The following OCA2 variants were observed in gnomAD, a reference collection of about 807,000 sequenced individuals.
OCA2 encodes P protein.
A neutral mutation model predicts 100.2 loss-of-function variants in OCA2; 77 were observed. That is an observed-to-expected ratio of 0.77 (90% CI 0.64 to 0.93). The LOEUF (loss-of-function observed/expected upper bound fraction) is 0.93, where lower values mean the gene tolerates loss of function less well. OCA2 is among the 40% of genes least tolerant of loss of function. The pLI, the probability that OCA2 is intolerant of heterozygous loss-of-function variation, is 0.00. For missense variants in OCA2, 1,062 were observed against 1,089.1 expected (o/e 0.98, Z 0.35); for synonymous variants, 432 against 439.2 (o/e 0.98, Z 0.21).
chr15:27,873,687 C>T (rs533370847), intron 19 of OCA2, among the ~76,000 whole-genome samples: 3 of 152,010 alleles, frequency 2.0e-5, no homozygotes, highest in Admixed American at 6.5e-5. Flanking sequence ...TCATGCTCTG[C>T]GTTATGTAAT....
At chr15:27,869,537 A>C (rs776534200) in intron 21 of OCA2, among the ~76,000 whole-genome samples, 15 of 152,228 alleles carry the variant, frequency 9.9e-5, no homozygotes, top group Non-Finnish European at 1.9e-4. Flanking sequence ...TATGGAACAA[A>C]ACTGTGAAAG....
At chr15:28,056,053 C>T (rs781441293) in intron 2 of OCA2, among the ~76,000 whole-genome samples, 12 of 152,104 alleles carry the variant, frequency 7.9e-5, no homozygotes, top group Middle Eastern at 3.4e-3. Context: ...CCCCTGGTCC[C>T]CTGCACTCCA....
downstream of OCA2, among the ~76,000 whole-genome samples, chr15:27,753,560 C>T (rs571076154): frequency 2.2e-4 from 34 of 152,028 alleles, no homozygotes; most frequent in East Asian, 9.7e-4. Context: ...AGTGAAACCC[C>T]GTGTCTACTA....
intron 8 of OCA2, 89 bp downstream of exon 8, chr15:28,016,015 G>T: frequency 3.0e-6 from 3 of 985,310 alleles, no homozygotes; most frequent in Non-Finnish European, 3.3e-6. Context: ...GTGCTGTGTG[G>T]GCCGAAATCA....
chr15:28,006,341 G>A (rs997288181), intron 9 of OCA2, among the ~76,000 whole-genome samples: 1 of 152,202 alleles, frequency 6.6e-6, no homozygotes, highest in African/African-American at 2.4e-5. Flanking sequence ...ACAGCCAAGG[G>A]CATGCGAAAG....
chr15:27,731,163 CT>C, the OCA2 span, among the ~76,000 whole-genome samples: 1 of 152,130 alleles, frequency 6.6e-6, no homozygotes, highest in South Asian at 2.1e-4. Flanking sequence ...GGCATATTCA[CT>C]TTCATTCAAT....
At chr15:27,909,744 G>GA (rs924811974) in intron 19 of OCA2, among the ~76,000 whole-genome samples, 4 of 151,958 alleles carry the variant, frequency 2.6e-5, no homozygotes, top group African/African-American at 4.8e-5. Context: ...CTATATGCAA[G>GA]AAAAAAACCC....
chr15:27,888,846 G>A (rs2037338324), intron 19 of OCA2, among the ~76,000 whole-genome samples: 1 of 152,036 alleles, frequency 6.6e-6, no homozygotes, highest in Non-Finnish European at 1.5e-5. Context: ...TGGTTTTTCC[G>A]GGTCTGTTAC....
At chr15:27,860,321 A>T (rs1465053113) in intron 21 of OCA2, among the ~76,000 whole-genome samples, 1 of 152,186 alleles carries the variant, frequency 6.6e-6, no homozygotes, top group Non-Finnish European at 1.5e-5. Context: ...TTTTAGAGTC[A>T]GGGGAGCACA....
intron 19 of OCA2, among the ~76,000 whole-genome samples, chr15:27,877,332 A>G (rs1200773755): frequency 6.6e-6 from 1 of 151,998 alleles, no homozygotes; most frequent in Non-Finnish European, 1.5e-5. Flanking sequence ...ACAAATGTCA[A>G]TTGAATCAAC....
At chr15:27,932,337 CA>C (rs1250334896) in intron 18 of OCA2, among the ~76,000 whole-genome samples, 1 of 152,170 alleles carries the variant, frequency 6.6e-6, no homozygotes, top group African/African-American at 2.4e-5. Context: ...AGGCATTGTT[CA>C]AAATCACTGC....
At chr15:28,074,003 G>C (rs936823093) in intron 2 of OCA2, among the ~76,000 whole-genome samples, 6 of 146,238 alleles carry the variant, frequency 4.1e-5, no homozygotes, top group Non-Finnish European at 9.1e-5. Context: ...ATGACAGACA[G>C]ACACACACAC....
intron 18 of OCA2, among the ~76,000 whole-genome samples, chr15:27,948,563 T>A (rs1423900692): frequency 6.6e-6 from 1 of 152,120 alleles, no homozygotes; most frequent in African/African-American, 2.4e-5. Context: ...CCTCCCAGGC[T>A]CAAGCAATCC....
intron 23 of OCA2, among the ~76,000 whole-genome samples, chr15:27,786,846 C>T (rs2032839881): frequency 6.6e-6 from 1 of 152,094 alleles, no homozygotes; most frequent in East Asian, 1.9e-4. Context: ...AATCTTGAAT[C>T]AAAGTGGCAA....
chr15:28,044,969 A>G (rs1372994004), intron 2 of OCA2, among the ~76,000 whole-genome samples: 3 of 152,138 alleles, frequency 2.0e-5, no homozygotes, highest in Admixed American at 2.0e-4. Flanking sequence ...ATATAGTTCA[A>G]TTTTTATTTC....
chr15:27,907,801 A>G (rs1326565169), intron 19 of OCA2, among the ~76,000 whole-genome samples: 1 of 152,180 alleles, frequency 6.6e-6, no homozygotes, highest in East Asian at 1.9e-4. Flanking sequence ...GCCAATATTG[A>G]CCCCATCTGA....
intron 2 of OCA2, among the ~76,000 whole-genome samples, chr15:28,044,914 C>T (rs2043304553): frequency 6.6e-6 from 1 of 152,038 alleles, no homozygotes; most frequent in African/African-American, 2.4e-5. Flanking sequence ...TATTTTAATA[C>T]TTAGAATGAT....
intron 9 of OCA2, among the ~76,000 whole-genome samples, chr15:28,009,772 A>G (rs1175474562): frequency 2.0e-5 from 3 of 151,592 alleles, no homozygotes; most frequent in Non-Finnish European, 4.4e-5. Context: ...AAGTTCTCTA[A>G]CTATAAATGA....
At chr15:27,975,774 T>C (rs2040945659) in intron 14 of OCA2, among the ~76,000 whole-genome samples, 1 of 152,228 alleles carries the variant, frequency 6.6e-6, no homozygotes, top group Non-Finnish European at 1.5e-5. Context: ...ACTCTGAATT[T>C]CTGTATAAAT....
Sources: gnomAD v4.1 joint callset for allele counts (sites outside exome capture counted in the v4.1 genomes callset) on GRCh38, gnomAD v4.1.1 for gene constraint, MANE v1.5 for transcripts, NCBI Gene and HGNC (gene_info 2026-07-23, HGNC 2026-07-21) for gene names.